Variants in PTPRD observed in about 807,000 individuals in gnomAD.
The protein encoded by PTPRD is receptor-type tyrosine-protein phosphatase delta.
A neutral mutation model predicts 214.5 loss-of-function variants in PTPRD; 34 were observed. That is an observed-to-expected ratio of 0.16 (90% CI 0.12 to 0.21). The LOEUF (loss-of-function observed/expected upper bound fraction) is 0.21. Ranked by LOEUF, PTPRD falls within the 10% of genes least tolerant of loss-of-function variation. The pLI is 1.00. For synonymous variants in PTPRD, 1,128 were observed against 845.7 expected, an observed-to-expected ratio of 1.33 and a Z score of -5.79; for missense variants, 2,545 against 2,398.7, an observed-to-expected ratio of 1.06 and a Z score of -1.27.
At chr9:9,275,175 AT>A in intron 9 of PTPRD, among the ~76,000 whole-genome samples, 1 of 25,152 alleles carries the variant, frequency 4.0e-5, no homozygotes, top group East Asian at 1.3e-3. Flanking sequence ...CATATATATA[AT>A]ATATATGTTA....
rs576225543 is a variant in PTPRD, at chr9:8,360,932, C to T, written c.4661+15004G>A. On this transcript the variant is annotated intron_variant, in intron 39 of 45. Coordinates refer to ENST00000381196, the MANE Select transcript of PTPRD (RefSeq NM_002839.4). ...TATTTGACTACAGAAATTCACCCCC[C>T]TGCATCAATTAATAATCCATGATTC... Among the ~76,000 whole-genome samples, 6 of 152,304 alleles carry T rather than the reference C, an allele frequency of 3.9e-5. No homozygotes were observed. In the East Asian group the frequency reaches 1.2e-3, roughly 29 times the overall value.
intron 7 of PTPRD, among the ~76,000 whole-genome samples, chr9:9,676,687 C>G (rs887335585): frequency 2.0e-5 from 3 of 152,072 alleles, no homozygotes; most frequent in African/African-American, 7.2e-5. Flanking sequence ...TTCTAGATCC[C>G]TGAGGAATCG....
At chr9:9,428,006 A>G (rs1215119270) in intron 8 of PTPRD, among the ~76,000 whole-genome samples, 1 of 152,194 alleles carries the variant, frequency 6.6e-6, no homozygotes, top group Non-Finnish European at 1.5e-5. Context: ...TGAATCAACT[A>G]AGGAGCAAAA....
chr9:8,598,311 G>T (rs2094583324), intron 14 of PTPRD, among the ~76,000 whole-genome samples: 1 of 151,974 alleles, frequency 6.6e-6, no homozygotes, highest in Non-Finnish European at 1.5e-5. Flanking sequence ...AATTAGCCCA[G>T]TATGGTGGCA....
chr9:8,560,002 G>A (rs919421046), intron 14 of PTPRD, among the ~76,000 whole-genome samples: 1 of 152,150 alleles, frequency 6.6e-6, no homozygotes, highest in African/African-American at 2.4e-5. Flanking sequence ...GTATCATTAA[G>A]AGGAATTTCT....
chr9:9,213,201 G>A (rs1245823880), intron 9 of PTPRD, among the ~76,000 whole-genome samples: 1 of 152,104 alleles, frequency 6.6e-6, no homozygotes, highest in African/African-American at 2.4e-5. Context: ...TTGTTGCAGA[G>A]AATTGACTTT....
At chr9:8,928,037 A>C (rs2098916074) in intron 11 of PTPRD, among the ~76,000 whole-genome samples, 1 of 152,038 alleles carries the variant, frequency 6.6e-6, no homozygotes, top group African/African-American at 2.4e-5. Context: ...TCCTTCGCCC[A>C]CTTTTTGATG....
intron 7 of PTPRD, among the ~76,000 whole-genome samples, chr9:9,622,915 A>T (rs935976591): frequency 1.3e-5 from 2 of 152,156 alleles, no homozygotes; most frequent in African/African-American, 4.8e-5. Context: ...ATACAGCCTC[A>T]AGTTCTAGAG....
chr9:9,683,869 G>A (rs1289486464), intron 7 of PTPRD, among the ~76,000 whole-genome samples: 4 of 151,254 alleles, frequency 2.6e-5, no homozygotes, highest in Non-Finnish European at 4.4e-5. Context: ...AAGTTAGTTC[G>A]GGTTCTAACA....
chr9:10,355,098 C>G (rs969026501), intron 2 of PTPRD, among the ~76,000 whole-genome samples: 3 of 151,992 alleles, frequency 2.0e-5, no homozygotes, highest in Non-Finnish European at 4.4e-5. Flanking sequence ...AAATTTTATT[C>G]TGGCAAAATA....
At chr9:10,101,355 T>C (rs2098550186) in intron 3 of PTPRD, among the ~76,000 whole-genome samples, 1 of 151,702 alleles carries the variant, frequency 6.6e-6, no homozygotes, top group Admixed American at 6.6e-5. Context: ...TGCAGAAGCA[T>C]AAATTGCAAT....
intron 2 of PTPRD, among the ~76,000 whole-genome samples, chr9:10,361,035 G>C (rs1181230943): frequency 6.6e-6 from 1 of 152,126 alleles, no homozygotes; most frequent in Non-Finnish European, 1.5e-5. Context: ...ACGGGAGGCG[G>C]AGCTTGTAGT....
intron 2 of PTPRD, among the ~76,000 whole-genome samples, chr9:10,553,744 G>A (rs1021309718): frequency 6.6e-6 from 1 of 152,074 alleles, no homozygotes; most frequent in Non-Finnish European, 1.5e-5. Context: ...GAAGGAGAAA[G>A]AACTATGCAG....
At chr9:9,803,596 A>C (rs1403778443) in intron 5 of PTPRD, 1 of 151,936 alleles carries the variant, frequency 6.6e-6, no homozygotes, top group Non-Finnish European at 1.5e-5. Flanking sequence ...CTGACAAATA[A>C]ATATAATTGT....
intron 14 of PTPRD, among the ~76,000 whole-genome samples, chr9:8,625,993 T>G (rs1281647249): frequency 6.6e-6 from 1 of 151,826 alleles, no homozygotes. Context: ...TAAGATATAA[T>G]AAGTTACTTG....
chr9:10,055,103 C>T (rs1247055194), intron 3 of PTPRD, among the ~76,000 whole-genome samples: 1 of 152,090 alleles, frequency 6.6e-6, no homozygotes, highest in African/African-American at 2.4e-5. Context: ...AGGGCCTTCA[C>T]CAGGAATTGA....
At chr9:8,979,189 G>C (rs183574193) in intron 11 of PTPRD, among the ~76,000 whole-genome samples, 1 of 152,242 alleles carries the variant, frequency 6.6e-6, no homozygotes, top group Admixed American at 6.5e-5. Context: ...GATAATTTTA[G>C]ATAATTCTTA....
intron 7 of PTPRD, among the ~76,000 whole-genome samples, chr9:9,630,075 G>C (rs943252848): frequency 6.6e-6 from 1 of 152,130 alleles, no homozygotes; most frequent in African/African-American, 2.4e-5. Flanking sequence ...GGTTTTCTGG[G>C]ACCACCACAA....
Position 8,341,581 on chromosome 9 carries a change from G to C in PTPRD, c.4947+112C>G, listed in dbSNP as rs1588133710. 8.8e-6 allele frequency: 11 copies of C among 1,246,828 alleles called. No homozygotes were observed. The East Asian group carries it at 2.3e-4, about 26-fold the overall frequency. 77.2% of individuals were successfully genotyped at this position (1,246,828 alleles called of 1,614,324 possible). On this transcript the variant is annotated intron_variant, in intron 40 of 45. Coordinates refer to ENST00000381196, the MANE Select transcript of PTPRD (RefSeq NM_002839.4). ...TTATAATCATACACCTGAGGGAAAG[G>C]TCAAATGAATCTTGTACTTCACAAA...
Sources: gnomAD v4.1 joint callset for allele counts (sites outside exome capture counted in the v4.1 genomes callset) on GRCh38, gnomAD v4.1.1 for gene constraint, MANE v1.5 for transcripts, NCBI Gene and HGNC (gene_info 2026-07-23, HGNC 2026-07-21) for gene names.